Variants in SCARB1 observed in about 807,000 individuals in gnomAD.
The protein encoded by SCARB1 is CD36 and LIMPII analogous 1.
SCARB1 carries 30 observed loss-of-function variants against 57.2 expected under a neutral mutation model. The observed-to-expected ratio is 0.52, with a 90% CI of 0.39 to 0.71. SCARB1 has a LOEUF of 0.71. Among genes scored for constraint, SCARB1 ranks in the 30% least tolerant of loss-of-function variants. The pLI is 0.00. For synonymous variants in SCARB1, 249 were observed against 268.3 expected, an observed-to-expected ratio of 0.93 and a Z score of 0.70; for missense variants, 543 against 671.2, an observed-to-expected ratio of 0.81 and a Z score of 2.11.
chr12:124,777,396 C>T lies in SCARB1; in HGVS notation c.*1191G>A, dbSNP rs1293106657. ...TGGGGGCTGTGGGATGGGACTCAGA[C>T]CCTGCTGCTTCTAAACAAGGGCGTA... On this transcript the variant is annotated 3_prime_UTR_variant, in exon 13 of 13. Coordinates refer to ENST00000261693, the MANE Select transcript of SCARB1 (RefSeq NM_005505.5). The T allele has an allele frequency of 6.6e-6, 1 of 152,188 alleles. No homozygotes were observed. The highest frequency in any genetic ancestry group is 2.4e-5 in the African/African-American group (1 of 41,430). 9.4% of individuals were successfully genotyped at this position (152,188 alleles called of 1,614,324 possible).
chr12:124,824,190 A>AAAAG (rs1555263861), intron 1 of SCARB1, among the ~76,000 whole-genome samples: 2 of 149,494 alleles, frequency 1.3e-5, no homozygotes, highest in African/African-American at 2.5e-5. Context: ...AAAAAAAAAA[A>AAAAG]AGAGAAAGAA....
chr12:124,848,392 T>C (rs1293130836), intron 1 of SCARB1, among the ~76,000 whole-genome samples: 1 of 152,228 alleles, frequency 6.6e-6, no homozygotes, highest in Non-Finnish European at 1.5e-5. Context: ...AATTCAAAAT[T>C]TTTTAATGAA....
At position 124,796,465 on chromosome 12, in the gene SCARB1, G is replaced by T. The variant is rs1478997672; in HGVS notation, c.1129-1197C>A. Among the ~76,000 whole-genome samples, 1 of 152,106 alleles carries T rather than the reference G, an allele frequency of 6.6e-6. No individual in the cohort carries two copies. The highest frequency in any genetic ancestry group is 6.5e-5 in the Admixed American group (1 of 15,268). On this transcript the variant is annotated intron_variant, in intron 8 of 12. Coordinates refer to ENST00000261693, the MANE Select transcript of SCARB1 (RefSeq NM_005505.5). The surrounding 1 kb of genome is among the most constrained non-coding windows in gnomAD (Gnocchi z 4.0). ...GTGTCATCAAAAACAACAGGAAGGT[G>T]GTTCCAGAATGAAGTCAGGAAATGA...
intron 10 of SCARB1, 47 bp downstream of exon 10, chr12:124,787,358 AT>A (rs1949561689): frequency 6.3e-7 from 1 of 1,587,770 alleles, no homozygotes; most frequent in African/African-American, 1.3e-5. Context: ...AAATGCCCAC[AT>A]TGGCTCTTAA....
intron 1 of SCARB1, among the ~76,000 whole-genome samples, chr12:124,820,520 C>A (rs1950911599): frequency 6.6e-6 from 1 of 152,134 alleles, no homozygotes; most frequent in South Asian, 2.1e-4. Flanking sequence ...CAGCCCCTCC[C>A]AGCTCTCAGG....
intron 7 of SCARB1, among the ~76,000 whole-genome samples, chr12:124,804,108 C>G (rs184018600): frequency 1.3e-5 from 2 of 152,302 alleles, no homozygotes; most frequent in Admixed American, 1.3e-4. Context: ...GGGGCCGGCC[C>G]ACCCAGGAGC....
Position 124,807,031 on chromosome 12 carries a change from C to T in SCARB1, c.1009+730G>A, listed in dbSNP as rs1257446624. On this transcript the variant is annotated intron_variant, in intron 7 of 12. Coordinates refer to ENST00000261693, the MANE Select transcript of SCARB1 (RefSeq NM_005505.5). The surrounding 1 kb of genome is among the most constrained non-coding windows in gnomAD (Gnocchi z 5.3). ...CTGGGCAACATGGTGAAACCCCCAT[C>T]TCTACCAAAAATACAAAAAATTAGC... is the stretch of plus-strand genomic sequence containing the variant. Among the ~76,000 whole-genome samples the T allele has an allele frequency of 6.6e-6, 1 of 152,100 alleles. No homozygotes were observed. The highest frequency in any genetic ancestry group is 2.4e-5 in the African/African-American group (1 of 41,412).
intron 8 of SCARB1, among the ~76,000 whole-genome samples, chr12:124,797,643 G>C (rs1446983093): frequency 6.6e-6 from 1 of 152,180 alleles, no homozygotes; most frequent in Non-Finnish European, 1.5e-5. Flanking sequence ...TCCGTGCCCT[G>C]AAAGGAAAGC....
rs1244452291 is a variant in SCARB1, at chr12:124,814,837, C to T, written c.426+136G>A. 20 of 1,150,254 alleles carry T rather than the reference C, an allele frequency of 1.7e-5. 1 individual carries two copies. The highest frequency in any genetic ancestry group is 1.4e-4 in the Admixed American group (7 of 50,784). 71.3% of individuals were successfully genotyped at this position (1,150,254 alleles called of 1,614,324 possible). A position where few individuals can be genotyped will look rare whatever the true frequency, so the allele number is the denominator to read the frequency against. Reference sequence around the variant, plus strand: ...GGGGGTGGTGGAGACAGCACAGGGCCGAAAGCCACCCACCAGGCGTGAGTC... The same window carrying T: ...GGGGGTGGTGGAGACAGCACAGGGCTGAAAGCCACCCACCAGGCGTGAGTC... On this transcript the variant is annotated intron_variant, in intron 3 of 12. Transcript: ENST00000261693. This position sits in a 1 kb window ranked among gnomAD's most constrained non-coding sequence, Gnocchi z 4.7.
intron 1 of SCARB1, among the ~76,000 whole-genome samples, chr12:124,829,188 A>G (rs1951286525): frequency 6.6e-6 from 1 of 152,042 alleles, no homozygotes; most frequent in Non-Finnish European, 1.5e-5. Flanking sequence ...TGAGTCCTCC[A>G]TTTTCCTCCC....
At chr12:124,831,100 C>T (rs147637458) in intron 1 of SCARB1, among the ~76,000 whole-genome samples, 4 of 152,104 alleles carry the variant, frequency 2.6e-5, no homozygotes, top group Admixed American at 1.3e-4. Flanking sequence ...CTCAGCCCCC[C>T]AAGTAGCTGG....
intron 11 of SCARB1, chr12:124,783,941 G>A (rs1949416496): frequency 6.6e-6 from 1 of 152,256 alleles, no homozygotes; most frequent in African/African-American, 2.4e-5. Flanking sequence ...TACTGGATTT[G>A]AGGGTGGGAT....
intron 1 of SCARB1, among the ~76,000 whole-genome samples, chr12:124,827,192 C>T (rs186845417): frequency 6.5e-4 from 99 of 152,190 alleles, no homozygotes; most frequent in Admixed American, 2.8e-3. Context: ...TCGGCAGACT[C>T]GCGTCTTAAG....
In SCARB1 at chr12:124,778,534, G is replaced by A. The variant is rs1375182841; in HGVS notation, c.*53C>T. The A allele has an allele frequency of 9.5e-6, 13 of 1,374,796 alleles. No individual in the cohort carries two copies. Among genetic ancestry groups the A allele is most frequent in the South Asian group, 1.8e-5 (1 of 55,582 alleles). 85.2% of individuals were successfully genotyped at this position (1,374,796 alleles called of 1,614,324 possible). ...GAGAAGCGGGGTGTAGGGGCTGGGG[G>A]GCCGGTCAGGCCCAGCGGCCAGGCC... On this transcript the variant is annotated 3_prime_UTR_variant, in exon 13 of 13. Coordinates refer to ENST00000261693, the MANE Select transcript of SCARB1 (RefSeq NM_005505.5).
intron 12 of SCARB1, among the ~76,000 whole-genome samples, chr12:124,781,792 C>T (rs1356751727): frequency 6.6e-6 from 1 of 152,234 alleles, no homozygotes; most frequent in East Asian, 1.9e-4. Flanking sequence ...TGTTTGTGCT[C>T]AATCTGGCAA....
At chr12:124,823,511 C>G (rs575994712) in intron 1 of SCARB1, among the ~76,000 whole-genome samples, 1 of 152,106 alleles carries the variant, frequency 6.6e-6, no homozygotes, top group African/African-American at 2.4e-5. Context: ...GGAACTGGAA[C>G]CTTTATGCAT....
intron 1 of SCARB1, among the ~76,000 whole-genome samples, chr12:124,858,725 A>G (rs1952746650): frequency 6.6e-6 from 1 of 152,078 alleles, no homozygotes; most frequent in African/African-American, 2.4e-5. Context: ...TAAAAATACA[A>G]AAAACTAGGT....
intron 5 of SCARB1, among the ~76,000 whole-genome samples, chr12:124,811,554 A>G (rs559694548): frequency 2.0e-4 from 30 of 152,188 alleles, no homozygotes; most frequent in Non-Finnish European, 4.0e-4. Flanking sequence ...GATTACAGGC[A>G]TGAACTACCA....
chr12:124,828,708 C>T (rs1034596886), intron 1 of SCARB1, among the ~76,000 whole-genome samples: 5 of 152,344 alleles, frequency 3.3e-5, no homozygotes, highest in Non-Finnish European at 4.4e-5. Context: ...TGTGCCCTCA[C>T]GCTTCTCTCC....
Sources: gnomAD v4.1 joint callset for allele counts (sites outside exome capture counted in the v4.1 genomes callset) on GRCh38, gnomAD v4.1.1 for gene constraint, Gnocchi (gnomAD v3.1) non-coding constraint, MANE v1.5 for transcripts, NCBI Gene and HGNC (gene_info 2026-07-23, HGNC 2026-07-21) for gene names.